PLBD1: variants seen among roughly 807,000 people sequenced by gnomAD.
PLBD1 encodes phospholipase B domain containing 1.
A neutral mutation model predicts 63.0 loss-of-function variants in PLBD1; 60 were observed. The ratio of observed to expected loss-of-function variants is 0.95; its 90% CI spans 0.77 to 1.18. The LOEUF (loss-of-function observed/expected upper bound fraction) is 1.18, where lower values mean the gene tolerates loss of function less well. Ranked by LOEUF, PLBD1 falls within the 50% of genes most tolerant of loss-of-function variation. PLBD1 has a pLI of 0.00. For synonymous variants in PLBD1, 262 were observed against 248.0 expected, an observed-to-expected ratio of 1.06 and a Z score of -0.53; for missense variants, 598 against 677.9, an observed-to-expected ratio of 0.88 and a Z score of 1.31.
intron 6 of PLBD1, among the ~76,000 whole-genome samples, chr12:14,518,452 T>C (rs1045604488): frequency 9.2e-5 from 14 of 152,230 alleles, no homozygotes; most frequent in Admixed American, 7.9e-4. Flanking sequence ...GTTTTGCATC[T>C]GAAGTCCCTT....
At chr12:14,562,012 G>A (rs762803095) in intron 1 of PLBD1, among the ~76,000 whole-genome samples, 5 of 152,282 alleles carry the variant, frequency 3.3e-5, no homozygotes, top group East Asian at 1.9e-4. Flanking sequence ...GAATAACACC[G>A]GTGTGAATAA....
chr12:14,535,832 A>C, intron 5 of PLBD1, 29 bp from the exon 6 acceptor site: 1 of 1,603,548 alleles, frequency 6.2e-7, no homozygotes, highest in Non-Finnish European at 8.5e-7. Context: ...TGGATTACAC[A>C]GATGTACATA....
chr12:14,560,079 C>T (rs891986649), intron 1 of PLBD1, among the ~76,000 whole-genome samples: 5 of 152,062 alleles, frequency 3.3e-5, no homozygotes, highest in East Asian at 1.9e-4. Flanking sequence ...AGGCTGGTCT[C>T]GAACTCTTGA....
At chr12:14,538,256 C>T (rs11056015) in intron 4 of PLBD1, among the ~76,000 whole-genome samples, 43,965 of 151,846 alleles carry the variant, frequency 0.29, 6,820 homozygotes, top group South Asian at 0.52. Context: ...TGCAATGGCG[C>T]GATCTCAGCT....
At chr12:14,542,503 C>T (rs1286283844) in intron 2 of PLBD1, among the ~76,000 whole-genome samples, 6 of 152,102 alleles carry the variant, frequency 3.9e-5, no homozygotes, top group Admixed American at 3.9e-4. Context: ...CCCAAGTATT[C>T]ACCGCTCAAC....
chr12:14,517,881 T>A (rs1945347601), intron 6 of PLBD1, among the ~76,000 whole-genome samples: 1 of 152,158 alleles, frequency 6.6e-6, no homozygotes, highest in Non-Finnish European at 1.5e-5. Context: ...TTAAATGACA[T>A]AATAAAAACA....
intron 6 of PLBD1, among the ~76,000 whole-genome samples, chr12:14,517,425 G>A (rs1394540307): frequency 6.6e-6 from 1 of 152,044 alleles, no homozygotes; most frequent in Non-Finnish European, 1.5e-5. Flanking sequence ...TGGGATTACA[G>A]GTGTGAGCCA....
In PLBD1 at chr12:14,557,266, C is replaced by T. The variant is rs532090082; in HGVS notation, c.116-3854G>A. Among the ~76,000 whole-genome samples, 4 of 152,154 alleles carry T rather than the reference C, an allele frequency of 2.6e-5. No individual in the cohort carries two copies. In the South Asian group the frequency reaches 8.3e-4, roughly 32 times the overall value. ...AACCATTGTGGTGATTCCTCAAAGA[C>T]CTAAAAACAGAAATACCATTCAACC... On this transcript the variant is annotated intron_variant, in intron 1 of 10. Coordinates refer to ENST00000240617, the MANE Select transcript of PLBD1 (RefSeq NM_024829.6).
Sources: gnomAD v4.1 joint callset for allele counts (sites outside exome capture counted in the v4.1 genomes callset) on GRCh38, gnomAD v4.1.1 for gene constraint, MANE v1.5 for transcripts, NCBI Gene and HGNC (gene_info 2026-07-23, HGNC 2026-07-21) for gene names.